The following VPS13B variants were observed in gnomAD, a reference collection of about 807,000 sequenced individuals.
VPS13B encodes intermembrane lipid transfer protein VPS13B.
VPS13B carries 285 observed loss-of-function variants against 426.4 expected under a neutral mutation model. The ratio of observed to expected loss-of-function variants is 0.67; its 90% confidence interval spans 0.61 to 0.74. The LOEUF (loss-of-function observed/expected upper bound fraction) is 0.74, where lower values mean the gene tolerates loss of function less well. Among genes scored for constraint, VPS13B ranks in the 30% least tolerant of loss-of-function variants. VPS13B has a pLI of 0.00. For missense variants in VPS13B, 4,537 were observed against 4,782.6 expected, an observed-to-expected ratio of 0.95 and a Z score of 1.51; for synonymous variants, 1,676 against 1,676.4, an observed-to-expected ratio of 1.00 and a Z score of 0.01.
intron 34 of VPS13B, among the ~76,000 whole-genome samples, chr8:99,659,867 G>A (rs1045209319): frequency 1.3e-5 from 2 of 151,898 alleles, no homozygotes; most frequent in African/African-American, 2.4e-5. Context: ...GATCTATCAC[G>A]GTACCACTTA....
chr8:99,384,502 A>G (rs1814010056), intron 20 of VPS13B, among the ~76,000 whole-genome samples, 185 bp downstream of exon 20: 1 of 152,190 alleles, frequency 6.6e-6, no homozygotes, highest in African/African-American at 2.4e-5. Flanking sequence ...ATGTCAGTAT[A>G]AAGTTTCTTT....
chr8:99,807,013 C>A (rs1352002857), intron 43 of VPS13B, among the ~76,000 whole-genome samples: 4 of 152,196 alleles, frequency 2.6e-5, no homozygotes, highest in Non-Finnish European at 5.9e-5. Flanking sequence ...TTATATGCAT[C>A]TAATTGCCAA....
intron 40 of VPS13B, among the ~76,000 whole-genome samples, chr8:99,768,617 A>C (rs1199163525): frequency 1.3e-5 from 2 of 152,192 alleles, no homozygotes; most frequent in African/African-American, 2.4e-5. Context: ...ATGCTTGATA[A>C]TAATGTGTTT....
intron 19 of VPS13B, among the ~76,000 whole-genome samples, chr8:99,361,864 A>G (rs906738467): frequency 2.0e-5 from 3 of 152,230 alleles, no homozygotes; most frequent in African/African-American, 4.8e-5. Context: ...TTCCTACTGT[A>G]TAATAGGCAT....
intron 19 of VPS13B, among the ~76,000 whole-genome samples, chr8:99,308,056 A>G (rs574842509): frequency 6.6e-6 from 1 of 152,108 alleles, no homozygotes; most frequent in East Asian, 1.9e-4. Flanking sequence ...ATACTTGCAC[A>G]GTTTCCAAAG....
At chr8:99,526,120 G>T (rs1822629968) in intron 30 of VPS13B, among the ~76,000 whole-genome samples, 1 of 144,320 alleles carries the variant, frequency 6.9e-6, no homozygotes, top group Non-Finnish European at 1.5e-5. Flanking sequence ...TGGGGATGGG[G>T]ATCACCAGCA....
chr8:99,438,665 C>G (rs1817527612), intron 22 of VPS13B, among the ~76,000 whole-genome samples: 2 of 151,858 alleles, frequency 1.3e-5, no homozygotes, highest in Non-Finnish European at 2.9e-5. Flanking sequence ...AATCTATGGC[C>G]CCAAATCAGG....
At chr8:99,378,073 C>T (rs923701202) in intron 19 of VPS13B, among the ~76,000 whole-genome samples, 53 of 145,962 alleles carry the variant, frequency 3.6e-4, no homozygotes, top group Middle Eastern at 3.6e-3. Flanking sequence ...GAGGCCAGGA[C>T]GTGTTTCATC....
chr8:99,560,570 G>A (rs1824857491), intron 31 of VPS13B, among the ~76,000 whole-genome samples: 1 of 152,176 alleles, frequency 6.6e-6, no homozygotes, highest in Non-Finnish European at 1.5e-5. Flanking sequence ...ACTGACAAGT[G>A]ATTGAATGTG....
At chr8:99,080,459 A>G (rs1165817427) in intron 3 of VPS13B, among the ~76,000 whole-genome samples, 1 of 152,038 alleles carries the variant, frequency 6.6e-6, no homozygotes, top group Non-Finnish European at 1.5e-5. Flanking sequence ...TATATGTCTA[A>G]CTGGTTCTTC....
intron 15 of VPS13B, among the ~76,000 whole-genome samples, chr8:99,157,326 G>A (rs1479075602): frequency 1.3e-5 from 2 of 151,290 alleles, no homozygotes; most frequent in Non-Finnish European, 2.9e-5. Context: ...ATTAAGCAAG[G>A]CTTTGGTGCC....
intron 6 of VPS13B, among the ~76,000 whole-genome samples, chr8:99,114,926 T>G (rs1847573684): frequency 6.6e-6 from 1 of 152,180 alleles, no homozygotes; most frequent in Admixed American, 6.5e-5. Context: ...GAAGTTGTGT[T>G]TATATTCCAC....
chr8:99,665,934 A>T (rs1211621819), intron 35 of VPS13B, among the ~76,000 whole-genome samples: 1 of 152,116 alleles, frequency 6.6e-6, no homozygotes, highest in Non-Finnish European at 1.5e-5. Context: ...CACGATATTG[A>T]TTCTTCCTAC....
chr8:99,395,168 G>A (rs187481052), intron 21 of VPS13B, among the ~76,000 whole-genome samples: 71 of 152,346 alleles, frequency 4.7e-4, no homozygotes, highest in African/African-American at 1.6e-3. Flanking sequence ...ACTGAGCTCA[G>A]CAGTCTTTCT....
intron 22 of VPS13B, among the ~76,000 whole-genome samples, chr8:99,435,849 C>T (rs1387273626): frequency 6.6e-6 from 1 of 152,102 alleles, no homozygotes; most frequent in Non-Finnish European, 1.5e-5. Flanking sequence ...TGAATTTACA[C>T]ATGTATTTGA....
intron 17 of VPS13B, among the ~76,000 whole-genome samples, chr8:99,255,638 A>G (rs1306215999): frequency 6.6e-6 from 1 of 151,984 alleles, no homozygotes; most frequent in Non-Finnish European, 1.5e-5. Flanking sequence ...GATTCTTGTT[A>G]CTTCTGGCCC....
intron 35 of VPS13B, among the ~76,000 whole-genome samples, chr8:99,676,915 A>G (rs1020587407): frequency 1.3e-5 from 2 of 152,092 alleles, no homozygotes; most frequent in Admixed American, 6.6e-5. Context: ...GGATCACCTG[A>G]GGTCAGGAGT....
intron 39 of VPS13B, among the ~76,000 whole-genome samples, chr8:99,746,236 C>G (rs1402493340): frequency 6.6e-6 from 1 of 152,032 alleles, no homozygotes; most frequent in Non-Finnish European, 1.5e-5. Flanking sequence ...GGAAAGAATA[C>G]TTCTCAGGTG....
chr8:99,671,873 GA>G (rs1830731438), intron 35 of VPS13B, among the ~76,000 whole-genome samples: 1 of 152,046 alleles, frequency 6.6e-6, no homozygotes, highest in African/African-American at 2.4e-5. Flanking sequence ...AGCATTTATT[GA>G]AGAGACCATC....
Sources: gnomAD v4.1 joint callset for allele counts (sites outside exome capture counted in the v4.1 genomes callset) on GRCh38, gnomAD v4.1.1 for gene constraint, MANE v1.5 for transcripts, NCBI Gene and HGNC (gene_info 2026-07-23, HGNC 2026-07-21) for gene names.